Variants in ZNF516 observed in about 807,000 individuals in gnomAD.
ZNF516 encodes zinc finger protein 516.
In ZNF516, 19 loss-of-function variants were observed where a neutral mutation model predicts 79.7. The ratio of observed to expected loss-of-function variants is 0.24; its 90% CI spans 0.17 to 0.35. ZNF516 has a LOEUF of 0.35. ZNF516 is among the 10% of genes least tolerant of loss of function. ZNF516 has a pLI of 1.00. For synonymous variants in ZNF516, 877 were observed against 739.5 expected (o/e 1.19, Z -3.02); for missense variants, 1,678 against 1,679.5 (o/e 1.00, Z 0.02).
intron 2 of ZNF516, among the ~76,000 whole-genome samples, chr18:76,445,043 G>A (rs1240750872): frequency 6.6e-6 from 1 of 152,150 alleles, no homozygotes; most frequent in East Asian, 1.9e-4. Context: ...ATGCAACAGA[G>A]CGGGCATGAG....
intron 4 of ZNF516, among the ~76,000 whole-genome samples, chr18:76,374,295 C>G (rs1247041220): frequency 6.6e-6 from 1 of 152,168 alleles, no homozygotes; most frequent in African/African-American, 2.4e-5. Flanking sequence ...AAACACAGAT[C>G]ATGTATTATT....
intron 2 of ZNF516, among the ~76,000 whole-genome samples, chr18:76,445,578 C>G (rs1904451161): frequency 6.6e-6 from 1 of 152,070 alleles, no homozygotes; most frequent in Non-Finnish European, 1.5e-5. Context: ...CAAGTGCGAA[C>G]AATCATATAG....
intron 3 of ZNF516, among the ~76,000 whole-genome samples, chr18:76,381,034 C>T (rs1301781864): frequency 2.0e-5 from 3 of 152,224 alleles, no homozygotes; most frequent in Admixed American, 6.5e-5. Flanking sequence ...TCAAGCTCTG[C>T]GCCCCTGATG....
At chr18:76,496,135 C>G (rs902608411), upstream of ZNF516, 14 of 378,772 alleles carry the variant, frequency 3.7e-5, no homozygotes, top group South Asian at 2.2e-5. Flanking sequence ...CAGGGATGGC[C>G]GGGGTGGGGG....
At chr18:76,488,544 G>GGGAGGA (rs77001752) in intron 1 of ZNF516, among the ~76,000 whole-genome samples, 1 of 138,806 alleles carries the variant, frequency 7.2e-6, no homozygotes, top group African/African-American at 2.6e-5. Context: ...GAGGGGGAGG[G>GGGAGGA]ACAGCAAAGA....
At chr18:76,436,518 G>A (rs916982994) in intron 3 of ZNF516, among the ~76,000 whole-genome samples, 1 of 152,132 alleles carries the variant, frequency 6.6e-6, no homozygotes, top group African/African-American at 2.4e-5. Context: ...CCCGTGTTGC[G>A]TCCAAGCCAG....
chr18:76,451,233 C>T lies in ZNF516; in HGVS notation c.-157-8022G>A, dbSNP rs1024659916. 3.9e-5 allele frequency among the ~76,000 whole-genome samples: 6 copies of T among 152,118 alleles called. No homozygotes were observed. The highest frequency in any genetic ancestry group is 1.2e-4 in the African/African-American group (5 of 41,424). On this transcript the variant is annotated intron_variant, in intron 2 of 6. Coordinates refer to ENST00000443185, the MANE Select transcript of ZNF516 (RefSeq NM_014643.4). This position sits in a 1 kb window ranked among gnomAD's most constrained non-coding sequence, Gnocchi z 6.0. ...TCATGAATTAACCTTATCGCGGTCC[C>T]GAAACAGCCCTGGCTCCCCCGACGC...
At chr18:76,441,046 G>A (rs1156634514) in intron 3 of ZNF516, among the ~76,000 whole-genome samples, 199 bp downstream of exon 3, 1 of 152,190 alleles carries the variant, frequency 6.6e-6, no homozygotes, top group Non-Finnish European at 1.5e-5. Context: ...CTGGGCACAG[G>A]GACCCTGGGC....
intron 1 of ZNF516, among the ~76,000 whole-genome samples, chr18:76,478,803 C>A (rs1034819894): frequency 1.3e-5 from 2 of 152,182 alleles, no homozygotes; most frequent in African/African-American, 4.8e-5. Context: ...GACCTGTAAT[C>A]CCGGCACTGT....
chr18:76,401,795 G>A, intron 3 of ZNF516, among the ~76,000 whole-genome samples: 1 of 151,846 alleles, frequency 6.6e-6, no homozygotes, highest in African/African-American at 2.4e-5. Flanking sequence ...ACACCCCCGC[G>A]CCGCACCCCT....
intron 2 of ZNF516, among the ~76,000 whole-genome samples, chr18:76,455,774 G>A (rs1055767650): frequency 1.3e-5 from 2 of 152,146 alleles, no homozygotes; most frequent in East Asian, 1.9e-4. Flanking sequence ...ACTTACACAC[G>A]TGACACGCTA....
At chr18:76,384,968 CAG>C (rs914738773) in intron 3 of ZNF516, among the ~76,000 whole-genome samples, 4 of 152,262 alleles carry the variant, frequency 2.6e-5, no homozygotes, top group African/African-American at 9.6e-5. Flanking sequence ...AAGGCTGGCT[CAG>C]AAAGGCCTGG....
At chr18:76,417,694 G>A (rs1383768857) in intron 3 of ZNF516, among the ~76,000 whole-genome samples, 2 of 152,116 alleles carry the variant, frequency 1.3e-5, no homozygotes, top group African/African-American at 4.8e-5. Flanking sequence ...TTCAATTAGA[G>A]AAAATACCAC....
In ZNF516 at chr18:76,362,682, G is replaced by A. The variant is rs2074556485; in HGVS notation, c.3433-125C>T. On this transcript the variant is annotated intron_variant, in intron 6 of 6. Transcript: ENST00000443185. ...ACAAACAATGACCTTCACAAAGCAA[G>A]CCAACCAAGTAGGCGAAGACCCCCT... The A allele has an allele frequency of 3.2e-6, 3 of 942,394 alleles. No individual in the cohort carries two copies. The Admixed American group carries it at 6.7e-5, about 21-fold the overall frequency. 58.4% of individuals were successfully genotyped at this position (942,394 alleles called of 1,614,324 possible). A position where few individuals can be genotyped will look rare whatever the true frequency, so the allele number is the denominator to read the frequency against.
rs554306346 is a variant in ZNF516, at chr18:76,370,233, T to C, written c.3432+295A>G. ...ACATCCAAAACCATCTTGGAAAAACTGAGTTTCTAGTGTTTGCAGTCACCG... is the reference window on the plus strand; with the variant it reads ...ACATCCAAAACCATCTTGGAAAAACCGAGTTTCTAGTGTTTGCAGTCACCG... On this transcript the variant is annotated intron_variant, in intron 6 of 6. Coordinates refer to ENST00000443185, the MANE Select transcript of ZNF516 (RefSeq NM_014643.4). Among the ~76,000 whole-genome samples, 365 of 152,278 alleles carry C rather than the reference T, an allele frequency of 2.4e-3. 3 individuals carry two copies. Among genetic ancestry groups the C allele is most frequent in the Non-Finnish European group, 3.7e-3 (253 of 68,018 alleles).
chr18:76,376,768 G>A (rs944772249), intron 4 of ZNF516, among the ~76,000 whole-genome samples: 5 of 151,560 alleles, frequency 3.3e-5, no homozygotes, highest in African/African-American at 1.2e-4. Context: ...AGGTTGTTTA[G>A]AACCTAGGGT....
In ZNF516 at chr18:76,379,460, T is replaced by C. The variant is rs774868049; in HGVS notation, c.2654A>G (p.Tyr885Cys). The change falls in exon 4 of 7, where the codon TAT becomes TGT. Residue 885 changes from tyrosine (Y) to cysteine (C), a missense_variant. By Grantham distance (194) the Tyr-to-Cys change is radical. Transcript: ENST00000443185. ...GCCGTGACAAGGTTTGGTCTGTCGA[T>C]ACCCGTCAGGGCCGGGCGCCCACAG... ...CALWAPGPDGYRQTKPCHGQE... is the reference protein window; with the variant it reads ...CALWAPGPDGCRQTKPCHGQE... 3 of 1,613,546 alleles carry C rather than the reference T, an allele frequency of 1.9e-6. No homozygotes were observed. Among genetic ancestry groups the C allele is most frequent in the Non-Finnish European group, 1.7e-6 (2 of 1,179,888 alleles).
chr18:76,473,594 G>A (rs999782274), intron 1 of ZNF516, among the ~76,000 whole-genome samples: 2 of 152,104 alleles, frequency 1.3e-5, no homozygotes, highest in East Asian at 1.9e-4. Flanking sequence ...GAGGTCAGGA[G>A]ATGGAGACCA....
rs1223881445 is a variant in ZNF516 at position 76,361,772 on chromosome 18, A to G, written c.*726T>C. 6.6e-6 allele frequency: 1 copy of G among 152,178 alleles called. No individual in the cohort carries two copies. The highest frequency in any genetic ancestry group is 2.1e-4 in the South Asian group (1 of 4,828). The allele number at this position is 152,178 out of a possible 1,614,324, so 9.4% of individuals were successfully genotyped here. A position where few individuals can be genotyped will look rare whatever the true frequency, so the allele number is the denominator to read the frequency against. Reference sequence around the variant, plus strand: ...CTCTCTTCCGAGGCGGAATCTACGCATTCCCACAGACGTGTCTCCTTTGCC... The same window carrying G: ...CTCTCTTCCGAGGCGGAATCTACGCGTTCCCACAGACGTGTCTCCTTTGCC... On this transcript the variant is annotated 3_prime_UTR_variant, in exon 7 of 7. Coordinates refer to ENST00000443185, the MANE Select transcript of ZNF516 (RefSeq NM_014643.4).
Sources: allele counts gnomAD v4.1 joint callset (sites outside exome capture counted in the v4.1 genomes callset), GRCh38; gene constraint gnomAD v4.1.1; non-coding constraint Gnocchi (gnomAD v3.1); transcripts MANE v1.5; gene names NCBI Gene and HGNC (gene_info 2026-07-23, HGNC 2026-07-21).